Variants in APOBEC3B observed in about 807,000 individuals in gnomAD.
The protein encoded by APOBEC3B is DNA dC->dU-editing enzyme APOBEC-3B.
In APOBEC3B, 29 loss-of-function variants were observed where a neutral mutation model predicts 53.4. The ratio of observed to expected loss-of-function variants is 0.54; its 90% CI spans 0.40 to 0.74. APOBEC3B has a LOEUF of 0.74. Ranked by LOEUF, APOBEC3B falls within the 30% of genes least tolerant of loss-of-function variation. APOBEC3B has a pLI of 0.00. For missense variants in APOBEC3B, 347 were observed against 496.2 expected, an observed-to-expected ratio of 0.70 and a Z score of 2.86; for synonymous variants, 132 against 184.8, an observed-to-expected ratio of 0.71 and a Z score of 2.32.
chr22:38,983,941 A>G, intron 1 of APOBEC3B, 134 bp from the exon 2 acceptor site: 2 of 1,091,382 alleles, frequency 1.8e-6, no homozygotes, highest in Non-Finnish European at 2.5e-6. Context: ...CTGGGAAGGC[A>G]GCAGAAATTC....
chr22:38,984,201 C>T lies in APOBEC3B; in HGVS notation c.144C>T (p.Leu48=). ...EVKIKRGRSN[L]LWDTGVFRGQ... is the part of the protein sequence containing the mutation. Reference sequence around the variant, plus strand: ...AAATAAAGAGGGGCCGCTCAAATCTCCTTTGGGACACAGGGGTCTTTCGAG... The same window carrying T: ...AAATAAAGAGGGGCCGCTCAAATCTTCTTTGGGACACAGGGGTCTTTCGAG... The change falls in exon 2 of 8, where the codon CTC becomes CTT. Residue 48 remains leucine (L), a synonymous_variant. Coordinates refer to ENST00000333467, the MANE Select transcript of APOBEC3B (RefSeq NM_004900.5). 1 of 1,592,610 alleles carries T rather than the reference C, an allele frequency of 6.3e-7. No homozygotes were observed. The highest frequency in any genetic ancestry group is 8.5e-7 in the Non-Finnish European group (1 of 1,172,440).
chr22:38,983,093 C>T lies in APOBEC3B; in HGVS notation c.17+623C>T, dbSNP rs546196872. 8.8e-5 allele frequency among the ~76,000 whole-genome samples: 13 copies of T among 147,962 alleles called. 1 individual carries two copies. Among genetic ancestry groups the T allele is most frequent in the African/African-American group, 2.5e-4 (10 of 40,734 alleles). ...CAACACTTTGGGAGGCCAAGGCGGG[C>T]GGATCATGAGGTCGGGAGTTTGAGA... On this transcript the variant is annotated intron_variant, in intron 1 of 7. Transcript: ENST00000333467.
chr22:38,992,299 A>G (rs1228408031), intron 7 of APOBEC3B, 132 bp from the exon 8 acceptor site: 1 of 1,531,526 alleles, frequency 6.5e-7, no homozygotes, highest in Admixed American at 2.1e-5. Context: ...TCCTTCTCAC[A>G]GCCTCCTTCT....
At position 38,982,415 on chromosome 22, in the gene APOBEC3B, A is replaced by C; in HGVS notation, c.-39A>C. On this transcript the variant is annotated 5_prime_UTR_variant, in exon 1 of 8. Coordinates refer to ENST00000333467, the MANE Select transcript of APOBEC3B (RefSeq NM_004900.5). ...AAGTGAAACCACAGAGCTTCAAAAA[A>C]AGAGCGGGACAGGGACAAGCGTATC... The C allele has an allele frequency of 6.3e-7, 1 of 1,593,126 alleles. No individual in the cohort carries two copies. The highest frequency in any genetic ancestry group is 8.5e-7 in the Non-Finnish European group (1 of 1,172,152).
Position 38,989,441 on chromosome 22 carries a change from CT to C in APOBEC3B, c.570-15del. The C allele has an allele frequency of 6.4e-7, 1 of 1,553,862 alleles. No individual in the cohort carries two copies. The highest frequency in any genetic ancestry group is 1.8e-4 in the Middle Eastern group (1 of 5,698). On this transcript the variant is annotated splice_polypyrimidine_tract_variant and intron_variant, in intron 4 of 7. Transcript: ENST00000333467. ...GGAGTCTTAGGGCTTTTGGTTTCCCCTGTCTTTGTCCACAGATACCTGATGG... is the reference window on the plus strand; with the variant it reads ...GGAGTCTTAGGGCTTTTGGTTTCCCCGTCTTTGTCCACAGATACCTGATGG...
chr22:38,987,068 C>T (rs1840912002), intron 4 of APOBEC3B, among the ~76,000 whole-genome samples: 2 of 148,754 alleles, frequency 1.3e-5, no homozygotes, highest in South Asian at 2.2e-4. Flanking sequence ...TCACTCACAG[C>T]GCAGGTGTCT....
In APOBEC3B at chr22:38,985,833, C is replaced by A; in HGVS notation, c.196C>A (p.His66Asn). The A allele has an allele frequency of 6.3e-7, 1 of 1,592,248 alleles. No homozygotes were observed. The highest frequency in any genetic ancestry group is 8.5e-7 in the Non-Finnish European group (1 of 1,172,214). ...RGQVYFKPQY[H>N]AEMCFLSWFC... ...CCAGGTGTATTTCAAGCCTCAGTAC[C>A]ACGCAGAAATGTGCTTCCTCTCTTG... is the stretch of plus-strand genomic sequence containing the variant. Residue 66 changes from histidine to asparagine, a missense_variant, in exon 3 of 8, where the codon CAC (histidine) becomes AAC (asparagine). Transcript: ENST00000333467.
intron 4 of APOBEC3B, among the ~76,000 whole-genome samples, chr22:38,989,160 C>T (rs1923888261): frequency 6.8e-6 from 1 of 148,034 alleles, no homozygotes; most frequent in African/African-American, 2.5e-5. Context: ...AGACCCAGCT[C>T]TACCCCAGGG....
Position 38,989,523 on chromosome 22 carries a change from C to A in APOBEC3B, c.636C>A (p.Arg212=), listed in dbSNP as rs752878615. 3 of 1,589,628 alleles carry A rather than the reference C, an allele frequency of 1.9e-6. No homozygotes were observed. Among genetic ancestry groups the A allele is most frequent in the African/African-American group, 2.7e-5 (2 of 74,142 alleles). Reference sequence around the variant, plus strand: ...ATGACCCTTTGGTCCTTCGACGGCGCCAGACCTACTTGTGCTATGAGGTGG... The same window carrying A: ...ATGACCCTTTGGTCCTTCGACGGCGACAGACCTACTTGTGCTATGAGGTGG... ...FNNDPLVLRR[R]QTYLCYEVER... is the part of the protein sequence containing the mutation. Residue 212 remains arginine (R), a synonymous_variant, in exon 5 of 8, where the codon CGC becomes CGA. Transcript: ENST00000333467.
In APOBEC3B at chr22:38,987,075, G is replaced by A. The variant is rs140197403; in HGVS notation, c.569+663G>A. Reference sequence around the variant, plus strand: ...CTGGGAGGTCACTCACAGCGCAGGTGTCTCCTGGAACAAGGGCCCTGGAAG... The same window carrying A: ...CTGGGAGGTCACTCACAGCGCAGGTATCTCCTGGAACAAGGGCCCTGGAAG... On this transcript the variant is annotated intron_variant, in intron 4 of 7. Coordinates refer to ENST00000333467, the MANE Select transcript of APOBEC3B (RefSeq NM_004900.5). Among the ~76,000 whole-genome samples the A allele has an allele frequency of 9.4e-3, 1,396 of 148,834 alleles. 104 individuals are homozygous for A. Among genetic ancestry groups the A allele is most frequent in the African/African-American group, 0.032 (1,302 of 40,962 alleles).
Position 38,992,603 on chromosome 22 carries a change from A to G in APOBEC3B, c.*158A>G. 3.9e-6 allele frequency: 6 copies of G among 1,531,114 alleles called. No homozygotes were observed. Among genetic ancestry groups the G allele is most frequent in the Non-Finnish European group, 5.3e-6 (6 of 1,136,228 alleles). The allele number at this position is 1,531,114 out of a possible 1,614,324, so 94.8% of individuals were successfully genotyped here. On this transcript the variant is annotated 3_prime_UTR_variant, in exon 8 of 8. Coordinates refer to ENST00000333467, the MANE Select transcript of APOBEC3B (RefSeq NM_004900.5). The stretch of plus-strand genomic sequence containing the variant: ...GCTCCTGATCAAGTAGATTTTTTAA[A>G]AATCAGAGTCAATTAATTTTAATTG...
rs17000697 is a variant in APOBEC3B at position 38,985,962 on chromosome 22, T to G, written c.325T>G (p.Ser109Ala). Residue 109 changes from serine (S) to alanine (A), a missense_variant, in exon 3 of 8, where the codon TCT becomes GCT. Physicochemically the swap from Ser to Ala is moderately conservative, Grantham distance 99. Transcript: ENST00000333467. ...DCVAKLAEFLSEHPNVTLTIS... is the reference protein window; with the variant it reads ...DCVAKLAEFLAEHPNVTLTIS... ...TGTGGCGAAGCTGGCCGAATTCCTGTCTGAGCACCCCAATGTCACCCTGAC... is the reference window on the plus strand; with the variant it reads ...TGTGGCGAAGCTGGCCGAATTCCTGGCTGAGCACCCCAATGTCACCCTGAC... The G allele has an allele frequency of 5.2e-3, 8,324 of 1,599,074 alleles. 447 individuals carry two copies. Among genetic ancestry groups the G allele is most frequent in the Non-Finnish European group, 6.1e-3 (7,177 of 1,174,308 alleles).
At chr22:38,988,734 T>TTTCTTTCTTTCC (rs1923864881) in intron 4 of APOBEC3B, among the ~76,000 whole-genome samples, 1 of 136,192 alleles carries the variant, frequency 7.3e-6, no homozygotes, top group Non-Finnish European at 1.5e-5. Context: ...TCTTTCTTTC[T>TTTCTTTCTTTCC]TTCTTTCTTT....
In APOBEC3B at chr22:38,986,404, G is replaced by A. The variant is rs1381676794; in HGVS notation, c.561G>A (p.Glu187=). 1 of 1,593,156 alleles carries A rather than the reference G, an allele frequency of 6.3e-7. No homozygotes were observed. Among genetic ancestry groups the A allele is most frequent in the Non-Finnish European group, 8.5e-7 (1 of 1,172,208 alleles). ...CATTCCTGCACCGCACGCTAAAGGA[G>A]ATTCTCAGGTGAGGGTCTCCCTCTG... The part of the protein sequence containing the change: ...NYAFLHRTLK[E]ILRYLMDPDT... The change falls in exon 4 of 8, where the codon GAG becomes GAA. Residue 187 remains glutamate (E), a synonymous_variant. Coordinates refer to ENST00000333467, the MANE Select transcript of APOBEC3B (RefSeq NM_004900.5).
chr22:38,988,665 C>CTCTCACTT (rs1923835747), intron 4 of APOBEC3B, among the ~76,000 whole-genome samples: 3 of 8,730 alleles, frequency 3.4e-4, no homozygotes, highest in Non-Finnish European at 5.7e-4. Flanking sequence ...TCCTTGCTTC[C>CTCTCACTT]TCTCTCTTTC....
Position 38,992,714 on chromosome 22 carries a change from TAA to T in APOBEC3B, c.*270_*271del. 3.3e-6 allele frequency: 3 copies of T among 917,414 alleles called. No individual in the cohort carries two copies. The South Asian group carries it at 5.5e-5, about 17-fold the overall frequency. The allele number at this position is 917,414 out of a possible 1,614,324, so 56.8% of individuals were successfully genotyped here. ...GTTTTCAATGTATTAATGAAGTGATTAATTGGCTCCATATTTAGACTAATAAA... is the reference window on the plus strand; with the variant it reads ...GTTTTCAATGTATTAATGAAGTGATTTTGGCTCCATATTTAGACTAATAAA... On this transcript the variant is annotated 3_prime_UTR_variant, in exon 8 of 8. Coordinates refer to ENST00000333467, the MANE Select transcript of APOBEC3B (RefSeq NM_004900.5).
intron 4 of APOBEC3B, 121 bp downstream of exon 4, chr22:38,986,533 C>T: frequency 8.5e-7 from 1 of 1,179,838 alleles, no homozygotes; most frequent in Non-Finnish European, 1.2e-6. Context: ...CATGGTCACA[C>T]CACCTTCCCT....
Position 38,989,536 on chromosome 22 carries a change from T to C in APOBEC3B, c.649T>C (p.Cys217Arg), listed in dbSNP as rs754259429. 6.3e-6 allele frequency: 10 copies of C among 1,589,918 alleles called. 1 individual carries two copies. The South Asian group carries it at 1.1e-4, about 18-fold the overall frequency. ...CCTTCGACGGCGCCAGACCTACTTG[T>C]GCTATGAGGTGGAGCGCCTGGACAA... The part of the protein sequence containing the change: ...LVLRRRQTYL[C>R]YEVERLDNGT... The change falls in exon 5 of 8, where the codon TGC becomes CGC. Residue 217 changes from cysteine (C) to arginine (R), a missense_variant. Around this residue, in one of 5 missense-constraint regions of APOBEC3B, gnomAD observed 156 missense variants for 166.7 expected, o/e 0.94. Coordinates refer to ENST00000333467, the MANE Select transcript of APOBEC3B (RefSeq NM_004900.5).
intron 3 of APOBEC3B, 70 bp downstream of exon 3, chr22:38,986,161 C>T (rs2146289399): frequency 3.2e-6 from 5 of 1,573,442 alleles, no homozygotes; most frequent in Non-Finnish European, 3.4e-6. Flanking sequence ...ATCTGCAATG[C>T]CATGGCTGGG....
Sources: gnomAD v4.1 joint callset for allele counts (sites outside exome capture counted in the v4.1 genomes callset) on GRCh38, gnomAD v4.1.1 for gene constraint, gnomAD v4.1.1 regional missense constraint, MANE v1.5 for transcripts, NCBI Gene and HGNC (gene_info 2026-07-23, HGNC 2026-07-21) for gene names.